The following GP1BA variants were observed in gnomAD, a reference collection of about 807,000 sequenced individuals.
GP1BA encodes the protein platelet glycoprotein Ib alpha chain.
Under a neutral mutation model 5.6 loss-of-function variants are expected in GP1BA, and 3 were observed. The observed-to-expected ratio is 0.53, with a 90% CI of 0.24 to 1.38. GP1BA has a LOEUF of 1.38. GP1BA is among the 40% of genes most tolerant of loss of function. The pLI, the probability that GP1BA is intolerant of heterozygous loss-of-function variation, is 0.16. For missense variants in GP1BA, 707 were observed against 801.4 expected, an observed-to-expected ratio of 0.88 and a Z score of 1.42; for synonymous variants, 323 against 358.3, an observed-to-expected ratio of 0.90 and a Z score of 1.11.
chr17:4,933,759 C>G lies in GP1BA; in HGVS notation c.1155C>G (p.Ser385Arg), dbSNP rs780371956. The change falls in exon 2 of 2, where the codon AGC (serine) becomes AGG (arginine). Residue 385 changes from serine (S) to arginine (R), a missense_variant. Physicochemically the swap from Ser to Arg is moderately radical, Grantham distance 110. This residue lies in a region of GP1BA where 442 missense variants were observed against 498.8 expected (regional missense o/e 0.89). Coordinates refer to ENST00000329125, the MANE Select transcript of GP1BA (RefSeq NM_000173.7). ...TPKSTTEPTP[S>R]PTTSEPVPEP... ...AATCCACTACTGAACCAACCCCAAG[C>G]CCGACCACCTCAGAGCCCGTCCCGG... The G allele has an allele frequency of 1.4e-5, 23 of 1,613,728 alleles. No individual in the cohort carries two copies. Among genetic ancestry groups the G allele is most frequent in the East Asian group, 1.1e-4 (5 of 44,892 alleles).
Position 4,934,882 on chromosome 17 carries a change from A to G in GP1BA, c.*319A>G. The G allele has an allele frequency of 2.4e-6, 1 of 421,478 alleles. No homozygotes were observed. The highest frequency in any genetic ancestry group is 4.5e-6 in the Non-Finnish European group (1 of 220,940). 26.1% of individuals were successfully genotyped at this position (421,478 alleles called of 1,614,324 possible). A position where few individuals can be genotyped will look rare whatever the true frequency, so the allele number is the denominator to read the frequency against. ...CATCTATGCACAGAAGAAAATCTGG[A>G]AAGTGATTTATCAGGATGTGAGCAC... On this transcript the variant is annotated 3_prime_UTR_variant, in exon 2 of 2. Coordinates refer to ENST00000329125, the MANE Select transcript of GP1BA (RefSeq NM_000173.7).
rs1436997235 is a variant in GP1BA at position 4,933,337 on chromosome 17, G to T, written c.733G>T (p.Val245Leu). 1.2e-6 allele frequency: 2 copies of T among 1,613,850 alleles called. No homozygotes were observed. The highest frequency in any genetic ancestry group is 1.7e-6 in the Non-Finnish European group (2 of 1,179,884). The change falls in exon 2 of 2, where the codon GTA (valine) becomes TTA (leucine). Residue 245 changes from valine to leucine, a missense_variant. By Grantham distance (32) the Val-to-Leu change is conservative. Around this residue, in one of 3 missense-constraint regions of GP1BA, gnomAD observed 442 missense variants for 498.8 expected, o/e 0.89. Coordinates refer to ENST00000329125, the MANE Select transcript of GP1BA (RefSeq NM_000173.7). The stretch of plus-strand genomic sequence containing the variant: ...GCAGGACAATGCTGAAAATGTCTAC[G>T]TATGGAAGCAAGGTGTGGACGTCAA... ...WLQDNAENVY[V>L]WKQGVDVKAM...
rs756370087 is a variant in GP1BA, at chr17:4,933,268, C to G, written c.664C>G (p.Pro222Ala). ...GCCTTTTGCTTTTCTCCACGGGAAC[C>G]CCTGGTTATGCAACTGTGAGATCCT... is the stretch of plus-strand genomic sequence containing the variant. ...LLPFAFLHGN[P>A]WLCNCEILYF... Residue 222 changes from proline (P) to alanine (A), a missense_variant, in exon 2 of 2, where the codon CCC becomes GCC. Around this residue, in one of 3 missense-constraint regions of GP1BA, gnomAD observed 442 missense variants for 498.8 expected, o/e 0.89. Transcript: ENST00000329125. The G allele has an allele frequency of 6.2e-7, 1 of 1,613,978 alleles. No individual in the cohort carries two copies. The highest frequency in any genetic ancestry group is 8.5e-7 in the Non-Finnish European group (1 of 1,179,872).
In GP1BA at chr17:4,934,233, T is replaced by G. The variant is rs1180153277; in HGVS notation, c.1629T>G (p.Phe543Leu). The change falls in exon 2 of 2, where the codon TTT (phenylalanine) becomes TTG (leucine). Residue 543 changes from phenylalanine (F) to leucine (L), a missense_variant. By Grantham distance (22) the Phe-to-Leu change is conservative (BLOSUM62 0). This residue lies in a region of GP1BA where 247 missense variants were observed against 246.6 expected (regional missense o/e 1.00). Coordinates refer to ENST00000329125, the MANE Select transcript of GP1BA (RefSeq NM_000173.7). ...TCTTGGGTCTCTTCTGGCTGCTCTT[T>G]GCCTCTGTGGTCCTCATCCTGCTGC... is the stretch of plus-strand genomic sequence containing the variant. ...FYVLGLFWLLFASVVLILLLS... is the reference protein window; with the variant it reads ...FYVLGLFWLLLASVVLILLLS... 6.2e-7 allele frequency: 1 copy of G among 1,613,562 alleles called. No homozygotes were observed. Among genetic ancestry groups the G allele is most frequent in the Non-Finnish European group, 8.5e-7 (1 of 1,179,674 alleles).
In GP1BA at chr17:4,933,437, A is replaced by G. The variant is rs1036579264; in HGVS notation, c.833A>G (p.Lys278Arg). ...TTTCCCGTCTACAAATACCCAGGAA[A>G]GGGGTGCCCCACCCTTGGTGATGAA... ...DKFPVYKYPGKGCPTLGDEGD... is the reference protein window; with the variant it reads ...DKFPVYKYPGRGCPTLGDEGD... The change falls in exon 2 of 2, where the codon AAG becomes AGG. Residue 278 changes from lysine to arginine, a missense_variant. By Grantham distance (26) the Lys-to-Arg change is conservative. Transcript: ENST00000329125. 6.2e-7 allele frequency: 1 copy of G among 1,613,998 alleles called. No individual in the cohort carries two copies. Among genetic ancestry groups the G allele is most frequent in the Non-Finnish European group, 8.5e-7 (1 of 1,179,878 alleles).
rs1461825232 is a variant in GP1BA, at chr17:4,934,575, T to C, written c.*12T>C. ...GCCACAGCCTCTGAGGGTGGGAGGT[T>C]TGGGGACCTTGAGAGAAGAGCCTGT... On this transcript the variant is annotated 3_prime_UTR_variant, in exon 2 of 2. Transcript: ENST00000329125. 1.2e-6 allele frequency: 2 copies of C among 1,612,936 alleles called. No individual in the cohort carries two copies. Among genetic ancestry groups the C allele is most frequent in the African/African-American group, 1.3e-5 (1 of 74,918 alleles).
In GP1BA at chr17:4,934,669, T is replaced by TGAACTA. The variant is rs1325295120; in HGVS notation, c.*106_*107insGAACTA. On this transcript the variant is annotated 3_prime_UTR_variant, in exon 2 of 2. Coordinates refer to ENST00000329125, the MANE Select transcript of GP1BA (RefSeq NM_000173.7). ...AACACAGGGTGATAGGGAGGGGTCT[T>TGAACTA]AGTTCCTTTTTCTGTATCAGAAGCC... is the stretch of plus-strand genomic sequence containing the variant. 7.8e-6 allele frequency: 9 copies of TGAACTA among 1,152,922 alleles called. No homozygotes were observed. The African/African-American group carries it at 1.4e-4, about 18-fold the overall frequency. The allele number at this position is 1,152,922 out of a possible 1,614,324, so 71.4% of individuals were successfully genotyped here.
At position 4,934,669 on chromosome 17, in the gene GP1BA, T is replaced by G. The variant is rs528982502; in HGVS notation, c.*106T>G. 21 of 1,153,040 alleles carry G rather than the reference T, an allele frequency of 1.8e-5. No individual in the cohort carries two copies. In the African/African-American group the frequency reaches 2.9e-4, roughly 16 times the overall value. 71.4% of individuals were successfully genotyped at this position (1,153,040 alleles called of 1,614,324 possible). A position where few individuals can be genotyped will look rare whatever the true frequency, so the allele number is the denominator to read the frequency against. On this transcript the variant is annotated 3_prime_UTR_variant, in exon 2 of 2. Transcript: ENST00000329125. The stretch of plus-strand genomic sequence containing the variant: ...AACACAGGGTGATAGGGAGGGGTCT[T>G]AGTTCCTTTTTCTGTATCAGAAGCC...
Position 4,934,448 on chromosome 17 carries a change from C to CAT in GP1BA, c.1844_1845insAT (p.Asn616LeufsTer8), listed in dbSNP as rs1970393072. On this transcript the variant is annotated frameshift_variant, in exon 2 of 2. Transcript: ENST00000329125. LOFTEE classifies it high-confidence loss of function. The stretch of plus-strand genomic sequence containing the variant: ...TCCAGCCTCTTCCTGTGGGTACGGC[C>CAT]TAATGGCCGTGTGGGGCCTCTAGTG... 4 of 1,614,064 alleles carry CAT rather than the reference C, an allele frequency of 2.5e-6. No individual in the cohort carries two copies. The highest frequency in any genetic ancestry group is 3.4e-6 in the Non-Finnish European group (4 of 1,179,906).
At position 4,934,456 on chromosome 17, in the gene GP1BA, C is replaced by T. The variant is rs371909342; in HGVS notation, c.1852C>T (p.Arg618Cys). ...SLFLWVRPNG[R>C]VGPLVAGRRP... ...CTTCCTGTGGGTACGGCCTAATGGC[C>T]GTGTGGGGCCTCTAGTGGCAGGAAG... is the stretch of plus-strand genomic sequence containing the variant. The change falls in exon 2 of 2, where the codon CGT becomes TGT. Residue 618 changes from arginine to cysteine, a missense_variant. Arg to Cys is a radical substitution (Grantham distance 180). Coordinates refer to ENST00000329125, the MANE Select transcript of GP1BA (RefSeq NM_000173.7). 4.3e-5 allele frequency: 70 copies of T among 1,613,902 alleles called. No homozygotes were observed. Among genetic ancestry groups the T allele is most frequent in the South Asian group, 2.7e-4 (25 of 91,096 alleles).
rs368111193 is a variant in GP1BA at position 4,933,184 on chromosome 17, C to T, written c.580C>T (p.Leu194Phe). The T allele has an allele frequency of 4.0e-5, 64 of 1,613,898 alleles. No homozygotes were observed. The highest frequency in any genetic ancestry group is 4.7e-5 in the Non-Finnish European group (55 of 1,179,900). ...TGGGCTGGAGAATCTCGACACCCTT[C>T]TCCTCCAAGAGAACTCGCTGTATAC... is the stretch of plus-strand genomic sequence containing the variant. ...LNGLENLDTLLLQENSLYTIP... is the reference protein window; with the variant it reads ...LNGLENLDTLFLQENSLYTIP... The change falls in exon 2 of 2, where the codon CTC becomes TTC. Residue 194 changes from leucine to phenylalanine, a missense_variant. Leu to Phe is a conservative substitution (Grantham distance 22). Coordinates refer to ENST00000329125, the MANE Select transcript of GP1BA (RefSeq NM_000173.7).
At position 4,932,655 on chromosome 17, in the gene GP1BA, C is replaced by T. The variant is rs765198146; in HGVS notation, c.51C>T (p.His17=). The T allele has an allele frequency of 4.3e-6, 7 of 1,613,806 alleles. No individual in the cohort carries two copies. The highest frequency in any genetic ancestry group is 1.7e-5 in the Admixed American group (1 of 59,998). Residue 17 remains histidine, a synonymous_variant, in exon 2 of 2, where the codon CAC becomes CAT. Coordinates refer to ENST00000329125, the MANE Select transcript of GP1BA (RefSeq NM_000173.7). The surrounding 1 kb of genome is among the most constrained non-coding windows in gnomAD (Gnocchi z 4.8). ...TGCTGCCAAGCCCCTTACACCCCCA[C>T]CCCATCTGTGAGGTCTCCAAAGTGG... ...LLLLPSPLHP[H]PICEVSKVAS... is the part of the protein sequence containing the mutation.
Position 4,932,512 on chromosome 17 carries a change from C to T in GP1BA, c.-6-87C>T, listed in dbSNP as rs1303524973. 4.5e-6 allele frequency: 6 copies of T among 1,347,026 alleles called. No individual in the cohort carries two copies. The highest frequency in any genetic ancestry group is 5.9e-6 in the Non-Finnish European group (6 of 1,013,506). The allele number at this position is 1,347,026 out of a possible 1,614,324, so 83.4% of individuals were successfully genotyped here. On this transcript the variant is annotated intron_variant, in intron 1 of 1. Transcript: ENST00000329125. This position sits in a 1 kb window ranked among gnomAD's most constrained non-coding sequence, Gnocchi z 4.8. ...GAGGTGTGGATGCTGTTTCTGGAAGCGAAGCTGCAGGGGGAAGGGGGCTGG... is the reference window on the plus strand; with the variant it reads ...GAGGTGTGGATGCTGTTTCTGGAAGTGAAGCTGCAGGGGGAAGGGGGCTGG...
rs1215566814 is a variant in GP1BA, at chr17:4,934,437, G to C, written c.1833G>C (p.Leu611=). 2 of 1,614,068 alleles carry C rather than the reference G, an allele frequency of 1.2e-6. No homozygotes were observed. Among genetic ancestry groups the C allele is most frequent in the Non-Finnish European group, 1.7e-6 (2 of 1,179,914 alleles). Residue 611 remains leucine, a synonymous_variant, in exon 2 of 2, where the codon CTG becomes CTC. Coordinates refer to ENST00000329125, the MANE Select transcript of GP1BA (RefSeq NM_000173.7). ...CCACTTTCCGCTCCAGCCTCTTCCT[G>C]TGGGTACGGCCTAATGGCCGTGTGG... ...SLPTFRSSLF[L]WVRPNGRVGP... is the part of the protein sequence containing the mutation.
rs1271178419 is a variant in GP1BA at position 4,933,491 on chromosome 17, C to T, written c.887C>T (p.Pro296Leu). The stretch of plus-strand genomic sequence containing the variant: ...GACACAGACCTATATGATTACTACC[C>T]AGAAGAGGACACTGAGGGCGATAAG... ...EGDTDLYDYY[P>L]EEDTEGDKVR... Residue 296 changes from proline to leucine, a missense_variant, in exon 2 of 2, where the codon CCA becomes CTA. Physicochemically the swap from Pro to Leu is moderately conservative, Grantham distance 98. Coordinates refer to ENST00000329125, the MANE Select transcript of GP1BA (RefSeq NM_000173.7). 1.2e-6 allele frequency: 2 copies of T among 1,613,878 alleles called. No homozygotes were observed. The highest frequency in any genetic ancestry group is 4.5e-5 in the East Asian group (2 of 44,880).
In GP1BA at chr17:4,934,570, G is replaced by GA; in HGVS notation, c.*8dup. On this transcript the variant is annotated 3_prime_UTR_variant, in exon 2 of 2. Transcript: ENST00000329125. ...CTCTGGCCACAGCCTCTGAGGGTGG[G>GA]AGGTTTGGGGACCTTGAGAGAAGAG... is the stretch of plus-strand genomic sequence containing the variant. 9.3e-6 allele frequency: 15 copies of GA among 1,613,496 alleles called. No individual in the cohort carries two copies. Among genetic ancestry groups the GA allele is most frequent in the Non-Finnish European group, 1.3e-5 (15 of 1,179,672 alleles).
Position 4,933,699 on chromosome 17 carries a change from TC to T in GP1BA, c.1096del (p.His366ThrfsTer34). 1 of 1,613,774 alleles carries T rather than the reference TC, an allele frequency of 6.2e-7. No individual in the cohort carries two copies. Among genetic ancestry groups the T allele is most frequent in the East Asian group, 2.2e-5 (1 of 44,870 alleles). On this transcript the variant is annotated frameshift_variant, in exon 2 of 2. Coordinates refer to ENST00000329125, the MANE Select transcript of GP1BA (RefSeq NM_000173.7). LOFTEE classifies it low-confidence loss of function (END_TRUNC). ...CTAGATGGACCCCAAATTTCACACT[TC>T]ACATGGAATCCATCACATTCTCCAA... ...PPRWTPNFTLHMESITFSKTP... is the reference protein window; with the variant it reads ...PPRWTPNFTLXMESITFSKTP...
chr17:4,932,829 G>A lies in GP1BA; in HGVS notation c.225G>A (p.Gln75=). The change falls in exon 2 of 2, where the codon CAG becomes CAA. Residue 75 remains glutamine (Q), a synonymous_variant. Transcript: ENST00000329125. This position sits in a 1 kb window ranked among gnomAD's most constrained non-coding sequence, Gnocchi z 4.8. The part of the protein sequence containing the change: ...ATLMPYTRLT[Q]LNLDRCELTK... The stretch of plus-strand genomic sequence containing the variant: ...TGATGCCTTACACTCGCCTCACTCA[G>A]CTGAACCTAGATAGGTGCGAGCTCA... 1 of 1,614,006 alleles carries A rather than the reference G, an allele frequency of 6.2e-7. No homozygotes were observed.
At position 4,934,451 on chromosome 17, in the gene GP1BA, A is replaced by C; in HGVS notation, c.1847A>C (p.Asn616Thr). The change falls in exon 2 of 2, where the codon AAT becomes ACT. Residue 616 changes from asparagine to threonine, a missense_variant. Coordinates refer to ENST00000329125, the MANE Select transcript of GP1BA (RefSeq NM_000173.7). ...RSSLFLWVRP[N>T]GRVGPLVAGR... Reference sequence around the variant, plus strand: ...AGCCTCTTCCTGTGGGTACGGCCTAATGGCCGTGTGGGGCCTCTAGTGGCA... The same window carrying C: ...AGCCTCTTCCTGTGGGTACGGCCTACTGGCCGTGTGGGGCCTCTAGTGGCA... 6.2e-7 allele frequency: 1 copy of C among 1,611,802 alleles called. No individual in the cohort carries two copies.
Sources: gnomAD v4.1 joint callset for allele counts on GRCh38, gnomAD v4.1.1 for gene constraint, gnomAD v4.1.1 regional missense constraint, Gnocchi (gnomAD v3.1) non-coding constraint, MANE v1.5 for transcripts, NCBI Gene and HGNC (gene_info 2026-07-23, HGNC 2026-07-21) for gene names.